DACH1: variants seen among roughly 807,000 people sequenced by gnomAD.
DACH1 encodes the protein dachshund homolog 1.
DACH1 carries 12 observed loss-of-function variants against 54.2 expected under a neutral mutation model. That is an observed-to-expected ratio of 0.22 (90% CI 0.14 to 0.36). DACH1 has a LOEUF of 0.36. Among genes scored for constraint, DACH1 ranks in the 10% least tolerant of loss-of-function variants. The pLI is 1.00. For synonymous variants in DACH1, 386 were observed against 366.2 expected (o/e 1.05, Z -0.62); for missense variants, 805 against 929.8 (o/e 0.87, Z 1.75).
At chr13:71,618,233 T>C (rs2138534581) in intron 3 of DACH1, among the ~76,000 whole-genome samples, 1 of 152,220 alleles carries the variant, frequency 6.6e-6, no homozygotes, top group East Asian at 1.9e-4. Flanking sequence ...AGTGATCATT[T>C]TGAGAATTTA....
chr13:71,496,772 G>C (rs948914248), intron 6 of DACH1, among the ~76,000 whole-genome samples: 11 of 152,068 alleles, frequency 7.2e-5, no homozygotes, highest in African/African-American at 2.7e-4. Flanking sequence ...CATCTTCTCA[G>C]AAAATAAGGA....
intron 6 of DACH1, among the ~76,000 whole-genome samples, chr13:71,519,909 C>T (rs1305901408): frequency 1.3e-3 from 15 of 11,688 alleles, no homozygotes; most frequent in Admixed American, 3.2e-3. Context: ...ATATATATAT[C>T]CTAACTAACA....
chr13:71,719,382 T>C (rs1244552185), intron 1 of DACH1, among the ~76,000 whole-genome samples: 1 of 152,170 alleles, frequency 6.6e-6, no homozygotes, highest in Non-Finnish European at 1.5e-5. Flanking sequence ...GTACCAAGCC[T>C]CTTCTTTTGG....
At chr13:71,710,424 C>A (rs2138776301) in intron 1 of DACH1, among the ~76,000 whole-genome samples, 1 of 148,442 alleles carries the variant, frequency 6.7e-6, no homozygotes, top group East Asian at 2.0e-4. Context: ...TTTATGGGGC[C>A]TGAAAGTGAG....
intron 1 of DACH1, among the ~76,000 whole-genome samples, chr13:71,810,318 C>A (rs2138148831): frequency 6.6e-6 from 1 of 152,228 alleles, no homozygotes; most frequent in Admixed American, 6.5e-5. Context: ...AAGCAGTGTC[C>A]TTACTATCAC....
chr13:71,463,951 G>A (rs567629041), intron 10 of DACH1, among the ~76,000 whole-genome samples: 9 of 152,052 alleles, frequency 5.9e-5, no homozygotes, highest in Admixed American at 1.3e-4. Context: ...TAGTTTGTGA[G>A]AGGAGAAACT....
At chr13:71,781,346 TTTTATTTA>T (rs58100916) in intron 1 of DACH1, among the ~76,000 whole-genome samples, 3,697 of 137,160 alleles carry the variant, frequency 0.027, 84 homozygotes, top group Middle Eastern at 0.045. Context: ...TCTTTTTTAT[TTTTATTTA>T]TTTATTTATT....
At chr13:71,651,380 A>C (rs1273927023) in intron 2 of DACH1, among the ~76,000 whole-genome samples, 1 of 150,302 alleles carries the variant, frequency 6.7e-6, no homozygotes, top group Admixed American at 6.6e-5. Flanking sequence ...AAAAAAAAAA[A>C]AGAAAGAAAG....
At chr13:71,699,081 A>G (rs1213376720) in intron 1 of DACH1, among the ~76,000 whole-genome samples, 2 of 152,198 alleles carry the variant, frequency 1.3e-5, no homozygotes, top group Non-Finnish European at 2.9e-5. Context: ...AACTGACTGA[A>G]CATAAGGATT....
chr13:71,677,377 G>A lies in DACH1; in HGVS notation c.964+4418C>T, dbSNP rs539487197. 7.2e-5 allele frequency among the ~76,000 whole-genome samples: 11 copies of A among 152,112 alleles called. No individual in the cohort carries two copies. The East Asian group carries it at 1.4e-3, about 19-fold the overall frequency. ...TCAACTTCTGGTTGCTATGGCATCCGGTGACAACCATAACTTTTAGAAATT... is the reference window on the plus strand; with the variant it reads ...TCAACTTCTGGTTGCTATGGCATCCAGTGACAACCATAACTTTTAGAAATT... On this transcript the variant is annotated intron_variant, in intron 2 of 10. Coordinates refer to ENST00000613252, the MANE Select transcript of DACH1 (RefSeq NM_080759.6).
rs375842737 is a variant in DACH1 at position 71,781,329 on chromosome 13, G to T, written c.848+84593C>A. 4.0e-4 allele frequency among the ~76,000 whole-genome samples: 61 copies of T among 151,124 alleles called. No individual in the cohort carries two copies. In the South Asian group the frequency reaches 4.8e-3, roughly 12 times the overall value. On this transcript the variant is annotated intron_variant, in intron 1 of 10. Transcript: ENST00000613252. ...AGAACTGTTGCCATGCCAACACTAG[G>T]TCCAGATCTTTTTTATTTTTATTTA...
At chr13:71,559,713 A>T (rs1455268189) in intron 5 of DACH1, 107 bp downstream of exon 5, 2 of 1,426,814 alleles carry the variant, frequency 1.4e-6, no homozygotes, top group Admixed American at 3.6e-5. Context: ...AGAGTTTCAG[A>T]ACATGATCCA....
chr13:71,683,243 CA>C (rs1880998797), intron 1 of DACH1, among the ~76,000 whole-genome samples: 4 of 152,002 alleles, frequency 2.6e-5, no homozygotes. Context: ...AACTATGATG[CA>C]AATTGTAAAG....
chr13:71,671,565 G>T (rs745620778), intron 2 of DACH1, among the ~76,000 whole-genome samples: 2 of 151,904 alleles, frequency 1.3e-5, no homozygotes, highest in Non-Finnish European at 2.9e-5. Flanking sequence ...GGAACAAGGT[G>T]GTCTTCCCCA....
At chr13:71,799,484 T>G (rs915431987) in intron 1 of DACH1, among the ~76,000 whole-genome samples, 2 of 152,168 alleles carry the variant, frequency 1.3e-5, no homozygotes, top group African/African-American at 4.8e-5. Context: ...AGCAATGTCT[T>G]AATCACATAG....
chr13:71,663,540 C>T (rs1426875017), intron 2 of DACH1, among the ~76,000 whole-genome samples: 1 of 151,908 alleles, frequency 6.6e-6, no homozygotes, highest in African/African-American at 2.4e-5. Flanking sequence ...AAACAATGTG[C>T]TACTGGAGCA....
chr13:71,525,036 C>T (rs1881859953), intron 6 of DACH1, among the ~76,000 whole-genome samples: 1 of 152,134 alleles, frequency 6.6e-6, no homozygotes, highest in Non-Finnish European at 1.5e-5. Context: ...AAATTTCAAT[C>T]GCCCTATGGC....
chr13:71,521,226 T>TA (rs898222299), intron 6 of DACH1, among the ~76,000 whole-genome samples: 4 of 152,078 alleles, frequency 2.6e-5, no homozygotes, highest in African/African-American at 9.7e-5. Context: ...GTATTTAGAA[T>TA]AATATTTGGC....
chr13:71,803,232 T>C (rs183707841), intron 1 of DACH1, among the ~76,000 whole-genome samples: 144 of 152,274 alleles, frequency 9.5e-4, no homozygotes, highest in Non-Finnish European at 5.1e-4. Context: ...ATGCTGAAGA[T>C]GTGTAAGATT....
Sources: gnomAD v4.1 joint callset for allele counts (sites outside exome capture counted in the v4.1 genomes callset) on GRCh38, gnomAD v4.1.1 for gene constraint, MANE v1.5 for transcripts, NCBI Gene and HGNC (gene_info 2026-07-23, HGNC 2026-07-21) for gene names.